Variants in RBM33 observed in about 807,000 individuals in gnomAD.
RBM33 encodes RNA-binding protein 33.
A neutral mutation model predicts 132.6 loss-of-function variants in RBM33; 28 were observed. The observed-to-expected ratio is 0.21, with a 90% CI of 0.16 to 0.29. RBM33 has a LOEUF of 0.29. RBM33 is among the 10% of genes least tolerant of loss of function. The pLI is 1.00. For missense variants in RBM33, 1,291 were observed against 1,518.5 expected, an observed-to-expected ratio of 0.85 and a Z score of 2.49; for synonymous variants, 634 against 593.0, an observed-to-expected ratio of 1.07 and a Z score of -1.01.
chr7:155,743,783 G>A (rs1449991281), intron 13 of RBM33, among the ~76,000 whole-genome samples: 2 of 152,136 alleles, frequency 1.3e-5, no homozygotes, highest in Non-Finnish European at 2.9e-5. Flanking sequence ...GGGAAATTCC[G>A]ATGACTAGTA....
rs972589548 is a variant in RBM33 at position 155,779,372 on chromosome 7, A to G, written c.*4331A>G. 9 of 152,170 alleles carry G rather than the reference A, an allele frequency of 5.9e-5. No homozygotes were observed. The highest frequency in any genetic ancestry group is 1.2e-4 in the Non-Finnish European group (8 of 68,046). The allele number at this position is 152,170 out of a possible 1,614,324, so 9.4% of individuals were successfully genotyped here. On this transcript the variant is annotated 3_prime_UTR_variant, in exon 18 of 18. Transcript: ENST00000401878. ...GGCACCCGACTACCACCACTCGGAA[A>G]GCCGCTAGTCCAGATCGACTAGGGA...
chr7:155,716,375 T>A (rs73737003), intron 8 of RBM33, among the ~76,000 whole-genome samples: 5,274 of 147,664 alleles, frequency 0.036, 314 homozygotes, highest in African/African-American at 0.13. Context: ...TACCAGCTCA[T>A]CAGAGGCTTC....
At chr7:155,701,067 A>G (rs532207208) in intron 6 of RBM33, 123 bp downstream of exon 6, 35 of 822,746 alleles carry the variant, frequency 4.3e-5, no homozygotes, top group Non-Finnish European at 2.1e-6. Context: ...CCGTCCGGAG[A>G]GTGGCCGGAC....
At chr7:155,653,210 G>A (rs1798402972) in intron 1 of RBM33, among the ~76,000 whole-genome samples, 1 of 152,058 alleles carries the variant, frequency 6.6e-6, no homozygotes, top group African/African-American at 2.4e-5. Context: ...TCTTTTGAGT[G>A]TATACCCAGA....
At chr7:155,753,210 A>G (rs889278770) in intron 14 of RBM33, among the ~76,000 whole-genome samples, 2 of 152,276 alleles carry the variant, frequency 1.3e-5, no homozygotes, top group Admixed American at 6.5e-5. Context: ...GACAAAAAGC[A>G]TGAATCATTA....
chr7:155,728,905 T>G (rs925184771), intron 9 of RBM33, among the ~76,000 whole-genome samples: 1 of 152,224 alleles, frequency 6.6e-6, no homozygotes, highest in African/African-American at 2.4e-5. Context: ...GTCAGAAGAT[T>G]TCTGTGAGCA....
At chr7:155,679,938 G>GT (rs147395418) in intron 4 of RBM33, among the ~76,000 whole-genome samples, 4,730 of 151,288 alleles carry the variant, frequency 0.031, 233 homozygotes, top group African/African-American at 0.11. Flanking sequence ...GGTGGAACAT[G>GT]TTTTTTTTGC....
At chr7:155,706,024 C>T (rs1430388165) in intron 6 of RBM33, among the ~76,000 whole-genome samples, 1 of 152,172 alleles carries the variant, frequency 6.6e-6, no homozygotes, top group Non-Finnish European at 1.5e-5. Flanking sequence ...ATCACCTTGA[C>T]TTCGGAATGA....
At chr7:155,724,990 T>TTTTTGTGTG (rs71186056) in intron 9 of RBM33, among the ~76,000 whole-genome samples, 2 of 123,290 alleles carry the variant, frequency 1.6e-5, no homozygotes, top group African/African-American at 6.7e-5. Context: ...GTGTACAGGT[T>TTTTTGTGTG]TGTGTGTGTG....
At chr7:155,756,044 T>C (rs1801839273) in intron 14 of RBM33, among the ~76,000 whole-genome samples, 1 of 152,236 alleles carries the variant, frequency 6.6e-6, no homozygotes, top group Non-Finnish European at 1.5e-5. Flanking sequence ...ATATTTAAAA[T>C]GCTGTCTGAA....
At position 155,764,036 on chromosome 7, in the gene RBM33, G is replaced by A. The variant is rs772382695; in HGVS notation, c.3186+18G>A. ...CGAAGAAGGTACTGCTTGTTGCCTC[G>A]CACGCAGCCCTGGAAACGCGAAGGC... On this transcript the variant is annotated intron_variant, in intron 15 of 17. Transcript: ENST00000401878. The A allele has an allele frequency of 2.7e-6, 4 of 1,497,324 alleles. No homozygotes were observed. The highest frequency in any genetic ancestry group is 3.6e-6 in the Non-Finnish European group (4 of 1,120,522). 92.8% of individuals were successfully genotyped at this position (1,497,324 alleles called of 1,614,324 possible).
chr7:155,676,895 A>G (rs1799199204), intron 3 of RBM33, among the ~76,000 whole-genome samples: 1 of 152,218 alleles, frequency 6.6e-6, no homozygotes, highest in East Asian at 1.9e-4. Flanking sequence ...GACTCCCACG[A>G]GGGCTCACCC....
chr7:155,669,971 C>G (rs1361266401), intron 2 of RBM33, among the ~76,000 whole-genome samples: 1 of 152,172 alleles, frequency 6.6e-6, no homozygotes, highest in Non-Finnish European at 1.5e-5. Flanking sequence ...AGCCACAGAG[C>G]AGGCAGGTAA....
intron 14 of RBM33, among the ~76,000 whole-genome samples, chr7:155,760,348 A>G (rs1229384102): frequency 2.0e-5 from 3 of 152,238 alleles, no homozygotes; most frequent in African/African-American, 2.4e-5. Context: ...TCCACAGTCC[A>G]TGCATTTGCC....
intron 12 of RBM33, 89 bp from the exon 13 acceptor site, chr7:155,741,730 T>G: frequency 8.2e-7 from 1 of 1,220,774 alleles, no homozygotes; most frequent in Admixed American, 2.3e-5. Context: ...TAGAATGATT[T>G]ATTGTGTTTT....
At chr7:155,766,881 C>T (rs763395071) in intron 16 of RBM33, 18 of 566,330 alleles carry the variant, frequency 3.2e-5, no homozygotes, top group Non-Finnish European at 5.6e-5. Flanking sequence ...GAAATAAATA[C>T]CCCAGCTGAA....
At chr7:155,761,837 C>T (rs1013448578) in intron 14 of RBM33, among the ~76,000 whole-genome samples, 9 of 151,986 alleles carry the variant, frequency 5.9e-5, no homozygotes, top group Non-Finnish European at 7.4e-5. Flanking sequence ...TTTTTGAGGA[C>T]GGGGGACTAG....
intron 3 of RBM33, among the ~76,000 whole-genome samples, chr7:155,673,464 A>T (rs1455194900): frequency 6.6e-6 from 1 of 150,604 alleles, no homozygotes; most frequent in Admixed American, 6.6e-5. Context: ...ACCCACATAT[A>T]TATATACATA....
At chr7:155,708,954 G>A (rs10266151) in intron 7 of RBM33, among the ~76,000 whole-genome samples, 2 of 151,344 alleles carry the variant, frequency 1.3e-5, no homozygotes, top group Admixed American at 6.6e-5. Context: ...CCTGGATTCC[G>A]TTCTGTTCCC....
Sources: gnomAD v4.1 joint callset for allele counts (sites outside exome capture counted in the v4.1 genomes callset) on GRCh38, gnomAD v4.1.1 for gene constraint, MANE v1.5 for transcripts, NCBI Gene and HGNC (gene_info 2026-07-23, HGNC 2026-07-21) for gene names.